Variants in ABCB4 observed in about 807,000 individuals in gnomAD.
The protein encoded by ABCB4 is phosphatidylcholine translocator ABCB4.
In ABCB4, 76 loss-of-function variants were observed where a neutral mutation model predicts 145.7. The observed-to-expected ratio is 0.52, with a 90% CI of 0.43 to 0.63. The LOEUF is 0.63. ABCB4 is among the 30% of genes least tolerant of loss of function. The probability of loss-of-function intolerance (pLI) is 0.00; values close to 1 mark genes in which losing one functional copy is unlikely to be tolerated. For missense variants in ABCB4, 1,234 were observed against 1,553.1 expected (o/e 0.79, Z 3.45); for synonymous variants, 517 against 566.8 (o/e 0.91, Z 1.25).
chr7:87,394,786 G>T, the ABCB4 span, among the ~76,000 whole-genome samples: 1 of 152,110 alleles, frequency 6.6e-6, no homozygotes, highest in Non-Finnish European at 1.5e-5. Context: ...TTACAGGAAG[G>T]TGAAGGATCT....
the ABCB4 span, chr7:87,382,577 T>G: frequency 1.3e-6 from 2 of 1,591,904 alleles, no homozygotes; most frequent in Non-Finnish European, 1.7e-6. Context: ...TTCACAGTCT[T>G]GAAGTCCAAG....
Position 87,450,039 on chromosome 7 carries a change from G to T in ABCB4, c.762C>A (p.Ala254=), listed in dbSNP as rs747537137. 1.2e-6 allele frequency: 2 copies of T among 1,614,022 alleles called. No individual in the cohort carries two copies. Among genetic ancestry groups the T allele is most frequent in the East Asian group, 4.5e-5 (2 of 44,894 alleles). ...TGGCCCCCAGAGCCTCTTCTGCCAC[G>T]GCGCCTGCTTTTGCATAAGCAGCTA... ...KELAAYAKAG[A]VAEEALGAIR... Residue 254 remains alanine, a synonymous_variant, in exon 8 of 28, where the codon GCC becomes GCA. Transcript: ENST00000649586.
intron 2 of ABCB4, among the ~76,000 whole-genome samples, chr7:87,472,880 A>G (rs1000378315): frequency 6.6e-6 from 1 of 152,262 alleles, no homozygotes; most frequent in Non-Finnish European, 1.5e-5. Flanking sequence ...ACATGGATAC[A>G]TAAGAAATGG....
chr7:87,452,347 G>T (rs1205477477), intron 6 of ABCB4: 2 of 168,530 alleles, frequency 1.2e-5, no homozygotes, highest in South Asian at 1.5e-4. Flanking sequence ...CTTTGTGGAG[G>T]TTTACAAGGC....
At chr7:87,471,225 G>A (rs1813373412) in intron 3 of ABCB4, among the ~76,000 whole-genome samples, 2 of 151,824 alleles carry the variant, frequency 1.3e-5, no homozygotes, top group South Asian at 2.1e-4. Flanking sequence ...TGGGGTGGGG[G>A]GATGGGGGAG....
At chr7:87,382,485 C>T in the ABCB4 span, 8 of 1,613,988 alleles carry the variant, frequency 5.0e-6, no homozygotes, top group South Asian at 8.8e-5. Flanking sequence ...CAAGATGCTT[C>T]ACCCGGATAC....
chr7:87,409,824 C>G (rs992836890), intron 23 of ABCB4, among the ~76,000 whole-genome samples: 4 of 152,170 alleles, frequency 2.6e-5, no homozygotes, highest in African/African-American at 9.7e-5. Context: ...TGATAAAGCT[C>G]TGGCCCTGAC....
At chr7:87,393,768 AT>A in the ABCB4 span, among the ~76,000 whole-genome samples, 1 of 152,202 alleles carries the variant, frequency 6.6e-6, no homozygotes, top group Non-Finnish European at 1.5e-5. Context: ...AATGTGAAAA[AT>A]TGGAATAGTA....
At chr7:87,406,086 GCTT>G in intron 26 of ABCB4, 199 bp downstream of exon 26, 1 of 617,696 alleles carries the variant, frequency 1.6e-6, no homozygotes, top group Admixed American at 2.7e-5. Flanking sequence ...GTGGTTTTGA[GCTT>G]CTCACTACAT....
intron 14 of ABCB4, among the ~76,000 whole-genome samples, chr7:87,433,965 C>A (rs1810428465): frequency 6.6e-6 from 1 of 150,940 alleles, no homozygotes; most frequent in African/African-American, 2.4e-5. Flanking sequence ...GAGTCTTGCT[C>A]TGTTGCCAGG....
At chr7:87,413,919 A>G (rs556762685) in intron 21 of ABCB4, among the ~76,000 whole-genome samples, 1 of 152,358 alleles carries the variant, frequency 6.6e-6, no homozygotes, top group East Asian at 1.9e-4. Context: ...TAAGTATGGT[A>G]GGCAAGTCTT....
At chr7:87,395,903 AC>A in the ABCB4 span, among the ~76,000 whole-genome samples, 2 of 152,158 alleles carry the variant, frequency 1.3e-5, no homozygotes, top group Non-Finnish European at 2.9e-5. Context: ...ATTGTCTTTT[AC>A]CCCAATGGAA....
intron 8 of ABCB4, 146 bp downstream of exon 8, chr7:87,449,822 C>T: frequency 8.4e-7 from 1 of 1,194,462 alleles, no homozygotes; most frequent in Non-Finnish European, 1.2e-6. Flanking sequence ...TGACATTCAA[C>T]TATAGCCATC....
At chr7:87,406,915 G>T (rs1316717759) in intron 25 of ABCB4, among the ~76,000 whole-genome samples, 1 of 152,058 alleles carries the variant, frequency 6.6e-6, no homozygotes, top group East Asian at 1.9e-4. Flanking sequence ...CAGAAGCAGG[G>T]CCCCAAAAGC....
In ABCB4 at chr7:87,431,428, C is replaced by T. The variant is rs377008092; in HGVS notation, c.1869G>A (p.Val623=). ...CCTGCATGTTGACAAGTTTGAAGTA[C>T]ACCCCTTCCTTCTTCATCAGTTCGC... The part of the protein sequence containing the change: ...SHSELMKKEG[V]YFKLVNMQTS... The change falls in exon 15 of 28, where the codon GTG becomes GTA. Residue 623 remains valine (V), a synonymous_variant. Transcript: ENST00000649586. 5.0e-6 allele frequency: 8 copies of T among 1,614,090 alleles called. No homozygotes were observed. In the Admixed American group the frequency reaches 5.0e-5, roughly 10 times the overall value.
At chr7:87,462,591 A>G (rs770262424) in intron 4 of ABCB4, among the ~76,000 whole-genome samples, 167 bp downstream of exon 4, 7 of 152,218 alleles carry the variant, frequency 4.6e-5, no homozygotes, top group Non-Finnish European at 8.8e-5. Flanking sequence ...TTAAACGAGT[A>G]TTTGAACAAT....
chr7:87,384,668 C>G, the ABCB4 span, among the ~76,000 whole-genome samples: 1 of 152,144 alleles, frequency 6.6e-6, no homozygotes, highest in Non-Finnish European at 1.5e-5. Flanking sequence ...TTCTCCCATT[C>G]TGTGGGCTGC....
the ABCB4 span, among the ~76,000 whole-genome samples, chr7:87,386,715 A>G: frequency 6.6e-6 from 1 of 152,152 alleles, no homozygotes; most frequent in Non-Finnish European, 1.5e-5. Context: ...TTATAGCCTC[A>G]TGGACTCATG....
intron 9 of ABCB4, among the ~76,000 whole-genome samples, chr7:87,445,929 A>C (rs1811317038): frequency 1.3e-5 from 2 of 152,210 alleles, no homozygotes; most frequent in South Asian, 4.1e-4. Flanking sequence ...CACATACTAC[A>C]AATGAGGAAA....
Sources: gnomAD v4.1 joint callset for allele counts (sites outside exome capture counted in the v4.1 genomes callset) on GRCh38, gnomAD v4.1.1 for gene constraint, MANE v1.5 for transcripts, NCBI Gene and HGNC (gene_info 2026-07-23, HGNC 2026-07-21) for gene names.